SHOC1: variants seen among roughly 807,000 people sequenced by gnomAD.
SHOC1 encodes the protein protein shortage in chiasmata 1 ortholog.
Under a neutral mutation model 179.2 loss-of-function variants are expected in SHOC1, and 136 were observed. That is an observed-to-expected ratio of 0.76 (90% confidence interval 0.66 to 0.87). The LOEUF (loss-of-function observed/expected upper bound fraction) is 0.87, where lower values mean the gene tolerates loss of function less well. SHOC1 is among the 40% of genes least tolerant of loss of function. The probability of loss-of-function intolerance (pLI) is 0.00; values close to 1 mark genes in which losing one functional copy is unlikely to be tolerated. For synonymous variants in SHOC1, 489 were observed against 586.6 expected, an observed-to-expected ratio of 0.83 and a Z score of 2.41; for missense variants, 1,538 against 1,700.8, an observed-to-expected ratio of 0.90 and a Z score of 1.68.
At chr9:111,749,660 T>G (rs1268872314) in intron 8 of SHOC1, among the ~76,000 whole-genome samples, 4 of 152,172 alleles carry the variant, frequency 2.6e-5, no homozygotes, top group Admixed American at 2.6e-4. Context: ...TTCTTCCTGA[T>G]GCTCTTCCTC....
rs941430494 is a variant in SHOC1, at chr9:111,794,925, C to T, written c.-62G>A. The stretch of plus-strand genomic sequence containing the variant: ...CTGAGGTAAAAATCGCCTCCTGCAT[C>T]TCTTCCTGGGGTAAAATTCCCGCCC... On this transcript the variant is annotated 5_prime_UTR_variant, in exon 1 of 28. Transcript: ENST00000682961. 1.3e-5 allele frequency: 2 copies of T among 152,978 alleles called. No individual in the cohort carries two copies. Among genetic ancestry groups the T allele is most frequent in the Non-Finnish European group, 2.9e-5 (2 of 68,674 alleles). 9.5% of individuals were successfully genotyped at this position (152,978 alleles called of 1,614,324 possible).
chr9:111,751,395 A>G (rs563705749), intron 8 of SHOC1, among the ~76,000 whole-genome samples: 11 of 152,172 alleles, frequency 7.2e-5, no homozygotes, highest in Non-Finnish European at 1.6e-4. Context: ...ATTTTTGCAC[A>G]TTGATTTTGT....
chr9:111,707,821 T>C (rs1028011350), intron 19 of SHOC1, 34 bp downstream of exon 19: 4 of 1,397,422 alleles, frequency 2.9e-6, no homozygotes, highest in Non-Finnish European at 4.0e-6. Flanking sequence ...AACTGGTACG[T>C]TTGTTCCTCA....
rs986431065 is a variant in SHOC1, at chr9:111,729,452, T to A, written c.1418-1403A>T. Among the ~76,000 whole-genome samples, 7 of 152,090 alleles carry A rather than the reference T, an allele frequency of 4.6e-5. No individual in the cohort carries two copies. In the South Asian group the frequency reaches 8.3e-4, roughly 18 times the overall value. ...TGACAGCTGCTGACTGTCAGAGTGG[T>A]GGTTGCTAAAGGTTGGTGTGGCTGT... On this transcript the variant is annotated intron_variant, in intron 12 of 27. Coordinates refer to ENST00000682961, the MANE Select transcript of SHOC1 (RefSeq NM_001378211.1).
chr9:111,739,425 C>T (rs890683974), intron 11 of SHOC1, among the ~76,000 whole-genome samples: 4 of 152,068 alleles, frequency 2.6e-5, no homozygotes, highest in Admixed American at 1.3e-4. Flanking sequence ...CCATTCCCTC[C>T]GAAGTTTTGT....
chr9:111,775,453 C>A (rs989032343), intron 5 of SHOC1, among the ~76,000 whole-genome samples: 1 of 152,028 alleles, frequency 6.6e-6, no homozygotes, highest in Non-Finnish European at 1.5e-5. Context: ...ATATAATCAT[C>A]ACTTCATAAT....
intron 9 of SHOC1, among the ~76,000 whole-genome samples, chr9:111,746,726 T>C (rs890563985): frequency 6.6e-6 from 1 of 152,132 alleles, no homozygotes; most frequent in Non-Finnish European, 1.5e-5. Context: ...TAAGCAACTA[T>C]TATGTTTGGT....
At chr9:111,722,095 C>CT (rs1393607081) in intron 15 of SHOC1, among the ~76,000 whole-genome samples, 2 of 152,096 alleles carry the variant, frequency 1.3e-5, no homozygotes, top group African/African-American at 4.8e-5. Context: ...TTTTGACCTC[C>CT]TTTTTTGGGA....
At chr9:111,759,757 G>C (rs1336082708) in intron 5 of SHOC1, among the ~76,000 whole-genome samples, 1 of 152,196 alleles carries the variant, frequency 6.6e-6, no homozygotes, top group Non-Finnish European at 1.5e-5. Flanking sequence ...CATAAGAAAA[G>C]AATAGTACGG....
At chr9:111,698,797 C>G (rs10981018) in intron 24 of SHOC1, among the ~76,000 whole-genome samples, 1 of 152,018 alleles carries the variant, frequency 6.6e-6, no homozygotes, top group South Asian at 2.1e-4. Context: ...TGGAGGCATA[C>G]TCAGTAAATG....
chr9:111,739,924 A>T (rs1833962454), intron 11 of SHOC1, among the ~76,000 whole-genome samples: 1 of 152,152 alleles, frequency 6.6e-6, no homozygotes, highest in African/African-American at 2.4e-5. Flanking sequence ...ATTTTCCTCT[A>T]GAAAGGATTT....
chr9:111,730,050 C>T (rs529976773), intron 12 of SHOC1, among the ~76,000 whole-genome samples: 3 of 152,274 alleles, frequency 2.0e-5, no homozygotes, highest in Non-Finnish European at 2.9e-5. Flanking sequence ...TTTGCCCATC[C>T]ATAAGAAACA....
chr9:111,725,040 C>G (rs975251328), intron 13 of SHOC1, among the ~76,000 whole-genome samples: 1 of 151,884 alleles, frequency 6.6e-6, no homozygotes, highest in Admixed American at 6.6e-5. Flanking sequence ...TTATTTTAAC[C>G]ATATAGTAGT....
Position 111,702,233 on chromosome 9 carries a change from G to GA in SHOC1, c.2968-8dup. On this transcript the variant is annotated splice_region_variant and splice_polypyrimidine_tract_variant and intron_variant, in intron 22 of 27. Transcript: ENST00000682961. ...AATTCAATTCTTCTAGATCCTATCAGAAAATAAAGAAAATGTAAAAATTCA... is the reference window on the plus strand; with the variant it reads ...AATTCAATTCTTCTAGATCCTATCAGAAAAATAAAGAAAATGTAAAAATTCA... The GA allele has an allele frequency of 7.3e-7, 1 of 1,370,514 alleles. No homozygotes were observed. The highest frequency in any genetic ancestry group is 1.0e-6 in the Non-Finnish European group (1 of 975,962). 84.9% of individuals were successfully genotyped at this position (1,370,514 alleles called of 1,614,324 possible).
intron 4 of SHOC1, among the ~76,000 whole-genome samples, chr9:111,776,902 G>T (rs1835854829): frequency 6.6e-6 from 1 of 152,210 alleles, no homozygotes; most frequent in African/African-American, 2.4e-5. Flanking sequence ...AATTGCAATG[G>T]ATAGAGACGC....
In SHOC1 at chr9:111,713,169, G is replaced by C; in HGVS notation, c.2419C>G (p.Leu807Val). The C allele has an allele frequency of 1.3e-6, 2 of 1,510,072 alleles. No homozygotes were observed. Among genetic ancestry groups the C allele is most frequent in the Non-Finnish European group, 1.8e-6 (2 of 1,101,418 alleles). The allele number at this position is 1,510,072 out of a possible 1,614,324, so 93.5% of individuals were successfully genotyped here. A position where few individuals can be genotyped will look rare whatever the true frequency, so the allele number is the denominator to read the frequency against. The change falls in exon 18 of 28, where the codon CTG (leucine) becomes GTG (valine). Residue 807 changes from leucine to valine, a missense_variant. Coordinates refer to ENST00000682961, the MANE Select transcript of SHOC1 (RefSeq NM_001378211.1). ...WMQSQQQIKV[L>V]IIIRMDSDGE... ...TCTGAGTCCATTCTTATTATAATCA[G>C]TACCTAGTCAAAAATAAAAATTTCA...
chr9:111,696,854 G>A (rs1831720704), intron 24 of SHOC1, among the ~76,000 whole-genome samples: 1 of 152,088 alleles, frequency 6.6e-6, no homozygotes, highest in South Asian at 2.1e-4. Flanking sequence ...TTCACTTTAG[G>A]TAACTTTTCT....
intron 26 of SHOC1, among the ~76,000 whole-genome samples, chr9:111,693,421 CAAAAA>C (rs59200447): frequency 2.3e-5 from 2 of 85,832 alleles, no homozygotes; most frequent in Admixed American, 1.5e-4. Context: ...CCCGTTTCTA[CAAAAA>C]AAAAAAAAAA....
intron 12 of SHOC1, 124 bp downstream of exon 12, chr9:111,738,156 G>T: frequency 5.1e-6 from 4 of 789,116 alleles, no homozygotes; most frequent in East Asian, 6.3e-5. Flanking sequence ...TTCTGGCAGA[G>T]CCAGGGCCTA....
Sources: allele counts gnomAD v4.1 joint callset (sites outside exome capture counted in the v4.1 genomes callset), GRCh38; gene constraint gnomAD v4.1.1; transcripts MANE v1.5; gene names NCBI Gene and HGNC (gene_info 2026-07-23, HGNC 2026-07-21).